C11orf65: variants seen among roughly 807,000 people sequenced by gnomAD.
C11orf65 encodes the protein protein MFI.
In C11orf65, 38 loss-of-function variants were observed where a neutral mutation model predicts 35.3. The observed-to-expected ratio is 1.08, with a 90% CI of 0.83 to 1.41. C11orf65 has a LOEUF of 1.41. C11orf65 is among the 40% of genes most tolerant of loss of function. C11orf65 has a pLI of 0.00. For synonymous variants in C11orf65, 105 were observed against 114.4 expected, an observed-to-expected ratio of 0.92 and a Z score of 0.53; for missense variants, 370 against 367.1, an observed-to-expected ratio of 1.01 and a Z score of -0.06.
intron 7 of C11orf65, among the ~76,000 whole-genome samples, chr11:108,386,616 T>G (rs2092006655): frequency 6.6e-6 from 1 of 152,166 alleles, no homozygotes. Flanking sequence ...GTGAGGATGA[T>G]GGAAAAGCAC....
At chr11:108,401,518 TAAA>T (rs1273933375) in intron 6 of C11orf65, among the ~76,000 whole-genome samples, 1 of 152,182 alleles carries the variant, frequency 6.6e-6, no homozygotes, top group African/African-American at 2.4e-5. Flanking sequence ...ACTAGACAGA[TAAA>T]CTCAAGTCAT....
At chr11:108,343,492 T>C in intron 2 of C11orf65, 6 of 1,226,506 alleles carry the variant, frequency 4.9e-6, no homozygotes, top group Non-Finnish European at 6.9e-6. Context: ...TTGTCAAAGA[T>C]ACTAAGTAAA....
intron 3 of C11orf65, among the ~76,000 whole-genome samples, chr11:108,408,681 A>AATAAC (rs1565659739): frequency 8.0e-4 from 52 of 64,652 alleles, no homozygotes; most frequent in African/African-American, 3.2e-3. Context: ...CAATAAATAA[A>AATAAC]ATAAAATAAA....
chr11:108,343,395 G>GT (rs1488003076), intron 2 of C11orf65: 1 of 1,612,628 alleles, frequency 6.2e-7, no homozygotes, highest in East Asian at 2.2e-5. Flanking sequence ...AAAATTAAAG[G>GT]TTATTGTAAG....
At chr11:108,391,580 T>C (rs559423965) in intron 7 of C11orf65, among the ~76,000 whole-genome samples, 25 of 152,322 alleles carry the variant, frequency 1.6e-4, no homozygotes, top group Non-Finnish European at 3.4e-4. Context: ...GGTTTCACCA[T>C]GTTGATCAGG....
At chr11:108,337,505 T>C (rs1039859306) in intron 2 of C11orf65, among the ~76,000 whole-genome samples, 2 of 152,220 alleles carry the variant, frequency 1.3e-5, no homozygotes, top group African/African-American at 4.8e-5. Context: ...CTGATCCCCA[T>C]TCTTAGAATT....
intron 6 of C11orf65, chr11:108,325,528 C>A: frequency 1.2e-6 from 2 of 1,604,918 alleles, no homozygotes; most frequent in South Asian, 2.2e-5. Context: ...CTGGCCAGAA[C>A]TTTCAAGAAC....
At chr11:108,452,468 A>T (rs1433019405) in intron 2 of C11orf65, among the ~76,000 whole-genome samples, 12 of 152,170 alleles carry the variant, frequency 7.9e-5, no homozygotes, top group African/African-American at 1.9e-4. Flanking sequence ...TCACACCAGT[A>T]AGAATGGGAA....
At position 108,338,274 on chromosome 11, in the gene C11orf65, C is replaced by T. The variant is rs560644674; in HGVS notation, c.227-2982G>A. 5.9e-5 allele frequency among the ~76,000 whole-genome samples: 9 copies of T among 152,222 alleles called. No individual in the cohort carries two copies. The East Asian group carries it at 1.4e-3, about 23-fold the overall frequency. On this transcript the variant is annotated intron_variant, in intron 2 of 3. Transcript: ENST00000524755. ...GCTGAGGTGAGAGAATCACTTAAAC[C>T]CGGATGGCAGAGGTTGCAGTTGAGC...
chr11:108,325,400 G>A lies in C11orf65; in HGVS notation c.641-16329C>T, dbSNP rs2136311338. 1 of 1,613,726 alleles carries A rather than the reference G, an allele frequency of 6.2e-7. No individual in the cohort carries two copies. Among genetic ancestry groups the A allele is most frequent in the Admixed American group, 1.7e-5 (1 of 60,000 alleles). On this transcript the variant is annotated intron_variant, in intron 6 of 6. Coordinates refer to the C11orf65 transcript ENST00000525729. ...AGGACAGTGATTTTAGTTTTCAGGA[G>A]CCTATCATGGCTCTACGCACAGTCA...
At chr11:108,365,980 A>G (rs2091298913) in intron 2 of C11orf65, 2 of 174,842 alleles carry the variant, frequency 1.1e-5, no homozygotes, top group Non-Finnish European at 2.5e-5. Flanking sequence ...TGTGGGCCAA[A>G]ATCATGCCAT....
intron 7 of C11orf65, 131 bp downstream of exon 7, chr11:108,393,074 AAAT>A: frequency 1.1e-6 from 1 of 951,884 alleles, no homozygotes. Context: ...CTTTCTAGAC[AAAT>A]AATAGATACT....
chr11:108,413,202 G>A (rs1024174667), intron 3 of C11orf65, among the ~76,000 whole-genome samples: 1 of 152,132 alleles, frequency 6.6e-6, no homozygotes, highest in African/African-American at 2.4e-5. Flanking sequence ...TTTTTTATTT[G>A]TACAAATTTG....
chr11:108,440,600 T>C (rs1372529626), intron 2 of C11orf65, among the ~76,000 whole-genome samples: 1 of 152,230 alleles, frequency 6.6e-6, no homozygotes, highest in East Asian at 1.9e-4. Context: ...CATCAATCTC[T>C]GGAGGCAACC....
At chr11:108,338,382 C>T (rs1015767206) in intron 2 of C11orf65, among the ~76,000 whole-genome samples, 1 of 151,784 alleles carries the variant, frequency 6.6e-6, no homozygotes, top group Non-Finnish European at 1.5e-5. Context: ...AGGCCAGATG[C>T]AGTGGCTCAT....
At position 108,341,630 on chromosome 11, in the gene C11orf65, C is replaced by T. The variant is rs936856808; in HGVS notation, c.227-6338G>A. On this transcript the variant is annotated intron_variant, in intron 2 of 3. Transcript: ENST00000524755. ...TAAAAATGTATAGAACTAAAGACAC[C>T]ATAAGGACGAGTGACCAGCTGAGAA... Among the ~76,000 whole-genome samples, 3 of 152,018 alleles carry T rather than the reference C, an allele frequency of 2.0e-5. No homozygotes were observed. In the East Asian group the frequency reaches 5.8e-4, roughly 29 times the overall value.
intron 2 of C11orf65, among the ~76,000 whole-genome samples, chr11:108,369,452 C>G (rs1056774518): frequency 1.3e-5 from 2 of 152,144 alleles, no homozygotes; most frequent in Admixed American, 1.3e-4. Flanking sequence ...TCCTGGTATC[C>G]TAAATGCAAA....
In C11orf65 at chr11:108,453,135, T is replaced by C. The variant is rs145818378; in HGVS notation, c.81+8344A>G. 2.3e-3 allele frequency among the ~76,000 whole-genome samples: 322 copies of C among 140,868 alleles called. 11 individuals are homozygous for C. In the East Asian group the frequency reaches 0.045, roughly 20 times the overall value. 92.4% of individuals were successfully genotyped at this position (140,868 alleles called of 152,430 possible). A position where few individuals can be genotyped will look rare whatever the true frequency, so the allele number is the denominator to read the frequency against. On this transcript the variant is annotated intron_variant, in intron 2 of 8. Coordinates refer to ENST00000393084, the MANE Select transcript of C11orf65 (RefSeq NM_152587.5). Reference sequence around the variant, plus strand: ...GCACGTTGTGCATGTACCCTAGAACTTAAAGTATAATTAAAAAAAAAAGAA... The same window carrying C: ...GCACGTTGTGCATGTACCCTAGAACCTAAAGTATAATTAAAAAAAAAAGAA...
At chr11:108,373,821 C>A (rs996479543) in intron 2 of C11orf65, among the ~76,000 whole-genome samples, 1 of 152,226 alleles carries the variant, frequency 6.6e-6, no homozygotes, top group African/African-American at 2.4e-5. Flanking sequence ...CACTCCCACC[C>A]GAATACTGCG....
Sources: gnomAD v4.1 joint callset for allele counts (sites outside exome capture counted in the v4.1 genomes callset) on GRCh38, gnomAD v4.1.1 for gene constraint, MANE v1.5 for transcripts, NCBI Gene and HGNC (gene_info 2026-07-23, HGNC 2026-07-21) for gene names.